The following XYLT2 variants were observed in gnomAD, a reference collection of about 807,000 sequenced individuals.
XYLT2 encodes UDP-D-xylose:proteoglycan core protein beta-D-xylosyltransferase.
XYLT2 carries 37 observed loss-of-function variants against 82.6 expected under a neutral mutation model. That is an observed-to-expected ratio of 0.45 (90% CI 0.34 to 0.59). XYLT2 has a LOEUF of 0.59. XYLT2 is among the 20% of genes least tolerant of loss of function. The probability of loss-of-function intolerance (pLI) is 0.01; values close to 1 mark genes in which losing one functional copy is unlikely to be tolerated. For missense variants in XYLT2, 934 were observed against 1,181.3 expected, an observed-to-expected ratio of 0.79 and a Z score of 3.07; for synonymous variants, 474 against 499.0, an observed-to-expected ratio of 0.95 and a Z score of 0.67.
chr17:50,353,777 G>A lies in XYLT2; in HGVS notation c.283G>A (p.Val95Met). 6.4e-7 allele frequency: 1 copy of A among 1,561,482 alleles called. No homozygotes were observed. Among genetic ancestry groups the A allele is most frequent in the Non-Finnish European group, 8.7e-7 (1 of 1,153,226 alleles). ...GAGCCCAGGAGTGCCCGTGGCCAAG[G>A]TGGTACGGGCAGTAACCAGCCGGCA... ...AESPGVPVAK[V>M]VRAVTSRQRA... The change falls in exon 2 of 11, where the codon GTG becomes ATG. Residue 95 changes from valine to methionine, a missense_variant. Physicochemically the swap from Val to Met is conservative, Grantham distance 21 (BLOSUM62 1). Around this residue, in one of 3 missense-constraint regions of XYLT2, gnomAD observed 371 missense variants for 394.9 expected, o/e 0.94. Coordinates refer to ENST00000017003, the MANE Select transcript of XYLT2 (RefSeq NM_022167.4).
intron 4 of XYLT2, 73 bp from the exon 5 acceptor site, chr17:50,355,428 C>CA (rs1912476839): frequency 6.6e-7 from 1 of 1,525,014 alleles, no homozygotes; most frequent in Admixed American, 1.7e-5. Flanking sequence ...GAAGAAAAGC[C>CA]AGAAGGTCCG....
In XYLT2 at chr17:50,358,447, A is replaced by C; in HGVS notation, c.2182A>C (p.Thr728Pro). 1.9e-6 allele frequency: 3 copies of C among 1,614,146 alleles called. No individual in the cohort carries two copies. The highest frequency in any genetic ancestry group is 2.5e-6 in the Non-Finnish European group (3 of 1,180,036). The stretch of plus-strand genomic sequence containing the variant: ...CCGGCCCCTGCGGCCAGGGCCCTGG[A>C]CTGTTCGACTCCTTCAGTTCTGGGA... ...LSRPLRPGPW[T>P]VRLLQFWEPL... The change falls in exon 10 of 11, where the codon ACT becomes CCT. Residue 728 changes from threonine (T) to proline (P), a missense_variant. This residue lies in a region of XYLT2 where 374 missense variants were observed against 465.6 expected (regional missense o/e 0.80). Transcript: ENST00000017003.
At chr17:50,354,760 G>A (rs1477045928) in intron 3 of XYLT2, 94 bp from the exon 4 acceptor site, 1 of 1,576,392 alleles carries the variant, frequency 6.3e-7, no homozygotes, top group African/African-American at 1.3e-5. Flanking sequence ...CCTGCCCTGT[G>A]CTTTCCTCGT....
intron 1 of XYLT2, among the ~76,000 whole-genome samples, chr17:50,348,534 T>C (rs1222974376): frequency 6.6e-6 from 1 of 152,226 alleles, no homozygotes; most frequent in Non-Finnish European, 1.5e-5. Flanking sequence ...ATTTAAGACG[T>C]GCACTCTGCC....
chr17:50,358,579 CAGAAT>C (rs774675242), intron 10 of XYLT2, 39 bp downstream of exon 10: 1 of 1,559,998 alleles, frequency 6.4e-7, no homozygotes, highest in Non-Finnish European at 8.7e-7. Context: ...AGAAGCCAGA[CAGAAT>C]AGGACTCGCC....
intron 1 of XYLT2, among the ~76,000 whole-genome samples, chr17:50,351,089 T>C (rs1912251040): frequency 1.3e-5 from 2 of 152,214 alleles, no homozygotes; most frequent in South Asian, 4.1e-4. Flanking sequence ...GTTTTTATCC[T>C]AAGAGGGGAA....
chr17:50,354,787 C>T, intron 3 of XYLT2, 67 bp from the exon 4 acceptor site: 1 of 1,597,374 alleles, frequency 6.3e-7, no homozygotes, highest in Non-Finnish European at 8.5e-7. Context: ...TCCCTTCACT[C>T]TGTCCTGGGG....
At chr17:50,355,650 G>A (rs1419171199) in intron 5 of XYLT2, 69 bp downstream of exon 5, 9 of 1,597,692 alleles carry the variant, frequency 5.6e-6, no homozygotes, top group African/African-American at 2.7e-5. Flanking sequence ...AGTTGGGCTC[G>A]GTGGCTCCAG....
Position 50,360,570 on chromosome 17 carries a change from TC to T in XYLT2, c.*280del, listed in dbSNP as rs750117907. Reference sequence around the variant, plus strand: ...CTGTCTAGTTTGAATTTCTTTTTTTTCTTTTTTTTTTTTTTTTTTTAATTTA... The same window carrying T: ...CTGTCTAGTTTGAATTTCTTTTTTTTTTTTTTTTTTTTTTTTTTTAATTTA... On this transcript the variant is annotated 3_prime_UTR_variant, in exon 11 of 11. Coordinates refer to ENST00000017003, the MANE Select transcript of XYLT2 (RefSeq NM_022167.4). 7.8e-4 allele frequency: 828 copies of T among 1,068,176 alleles called. 2 individuals are homozygous for T. In the African/African-American group the frequency reaches 0.015, roughly 19 times the overall value. 66.2% of individuals were successfully genotyped at this position (1,068,176 alleles called of 1,614,324 possible).
At chr17:50,356,985 C>T in intron 8 of XYLT2, 72 bp from the exon 9 acceptor site, 1 of 1,505,410 alleles carries the variant, frequency 6.6e-7, no homozygotes. Context: ...CTCCCCAGAG[C>T]CCCCTCCCTG....
In XYLT2 at chr17:50,360,563, T is replaced by C; in HGVS notation, c.*272T>C. 2.8e-6 allele frequency: 3 copies of C among 1,077,996 alleles called. No individual in the cohort carries two copies. The highest frequency in any genetic ancestry group is 4.9e-5 in the South Asian group (1 of 20,490). 66.8% of individuals were successfully genotyped at this position (1,077,996 alleles called of 1,614,324 possible). A position where few individuals can be genotyped will look rare whatever the true frequency, so the allele number is the denominator to read the frequency against. On this transcript the variant is annotated 3_prime_UTR_variant, in exon 11 of 11. Coordinates refer to ENST00000017003, the MANE Select transcript of XYLT2 (RefSeq NM_022167.4). Reference sequence around the variant, plus strand: ...CACCTTCCTGTCTAGTTTGAATTTCTTTTTTTTCTTTTTTTTTTTTTTTTT... The same window carrying C: ...CACCTTCCTGTCTAGTTTGAATTTCCTTTTTTTCTTTTTTTTTTTTTTTTT...
At position 50,356,346 on chromosome 17, in the gene XYLT2, G is replaced by A. The variant is rs965849202; in HGVS notation, c.1482+85G>A. On this transcript the variant is annotated intron_variant, in intron 7 of 10. Coordinates refer to ENST00000017003, the MANE Select transcript of XYLT2 (RefSeq NM_022167.4). ...AAAATGGCAGGGTGGGCCAGTAAGA[G>A]AATCTGGGGGGCCACGGCCTGCAGC... The A allele has an allele frequency of 5.1e-6, 8 of 1,565,402 alleles. No homozygotes were observed. In the Admixed American group the frequency reaches 1.1e-4, roughly 21 times the overall value.
intron 8 of XYLT2, 35 bp downstream of exon 8, chr17:50,356,808 G>A (rs759593526): frequency 6.3e-7 from 1 of 1,580,250 alleles, no homozygotes; most frequent in Non-Finnish European, 8.6e-7. Flanking sequence ...CAGGCCCTTG[G>A]GGTGTGGTGC....
Position 50,346,489 on chromosome 17 carries a change from G to A in XYLT2, c.135+214G>A, listed in dbSNP as rs1912048132. 3.6e-6 allele frequency: 3 copies of A among 836,500 alleles called. No homozygotes were observed. In the African/African-American group the frequency reaches 5.5e-5, roughly 15 times the overall value. The allele number at this position is 836,500 out of a possible 1,614,324, so 51.8% of individuals were successfully genotyped here. ...GCGCGGGGGCAGTGCGTGACCTGGA[G>A]ACCCGGGCCCTGGTGGATTGGGAGT... On this transcript the variant is annotated intron_variant, in intron 1 of 10. Transcript: ENST00000017003. The surrounding 1 kb of genome is among the most constrained non-coding windows in gnomAD (Gnocchi z 5.1).
intron 1 of XYLT2, among the ~76,000 whole-genome samples, chr17:50,350,085 A>G (rs1912193985): frequency 6.8e-6 from 1 of 146,888 alleles, no homozygotes; most frequent in South Asian, 2.2e-4. Flanking sequence ...TGGGAGGCTG[A>G]GGCACGAGAA....
chr17:50,349,276 C>T (rs540656881), intron 1 of XYLT2, among the ~76,000 whole-genome samples: 1 of 152,250 alleles, frequency 6.6e-6, no homozygotes. Context: ...AGCCAGCTCA[C>T]ATGTCACCAG....
chr17:50,348,431 C>T (rs889461756), intron 1 of XYLT2, among the ~76,000 whole-genome samples: 44 of 152,180 alleles, frequency 2.9e-4, no homozygotes, highest in Middle Eastern at 6.8e-3. Context: ...CCATTCTGTG[C>T]GGCTGAAAGG....
rs1912758508 is a variant in XYLT2, at chr17:50,360,525, C to G, written c.*234C>G. ...AGAAGGGCACCAGCAGCATTCCACACCCAGCTCTTCCTCACCTTCCTGTCT... is the reference window on the plus strand; with the variant it reads ...AGAAGGGCACCAGCAGCATTCCACAGCCAGCTCTTCCTCACCTTCCTGTCT... On this transcript the variant is annotated 3_prime_UTR_variant, in exon 11 of 11. Transcript: ENST00000017003. 3 of 1,254,878 alleles carry G rather than the reference C, an allele frequency of 2.4e-6. No individual in the cohort carries two copies. The African/African-American group carries it at 4.6e-5, about 19-fold the overall frequency. The allele number at this position is 1,254,878 out of a possible 1,614,324, so 77.7% of individuals were successfully genotyped here. A position where few individuals can be genotyped will look rare whatever the true frequency, so the allele number is the denominator to read the frequency against.
Position 50,355,595 on chromosome 17 carries a change from G to A in XYLT2, c.1088+14G>A. ...GGACAACTCCAGGTGAGGGGGTGGGGAAGGAGGCCCTGGCCCCAGAGTCTT... is the reference window on the plus strand; with the variant it reads ...GGACAACTCCAGGTGAGGGGGTGGGAAAGGAGGCCCTGGCCCCAGAGTCTT... On this transcript the variant is annotated intron_variant, in intron 5 of 10. Transcript: ENST00000017003. 6.2e-7 allele frequency: 1 copy of A among 1,613,914 alleles called. No individual in the cohort carries two copies. The highest frequency in any genetic ancestry group is 1.1e-5 in the South Asian group (1 of 91,082).
Sources: allele counts gnomAD v4.1 joint callset (sites outside exome capture counted in the v4.1 genomes callset), GRCh38; gene constraint gnomAD v4.1.1; regional missense constraint gnomAD v4.1.1; non-coding constraint Gnocchi (gnomAD v3.1); transcripts MANE v1.5; gene names NCBI Gene and HGNC (gene_info 2026-07-23, HGNC 2026-07-21).